The following LHX8 variants were observed in gnomAD, a reference collection of about 807,000 sequenced individuals.
The protein encoded by LHX8 is LIM/homeobox protein Lhx8.
A neutral mutation model predicts 40.3 loss-of-function variants in LHX8; 12 were observed. That is an observed-to-expected ratio of 0.30 (90% CI 0.19 to 0.48). LHX8 has a LOEUF of 0.48. Ranked by LOEUF, LHX8 falls within the 20% of genes least tolerant of loss-of-function variation. The probability of loss-of-function intolerance (pLI) is 0.99; values close to 1 mark genes in which losing one functional copy is unlikely to be tolerated. For missense variants in LHX8, 344 were observed against 433.7 expected (o/e 0.79, Z 1.84); for synonymous variants, 179 against 162.0 (o/e 1.10, Z -0.80).
the LHX8 span, among the ~76,000 whole-genome samples, chr1:75,191,374 C>G: frequency 5.3e-5 from 8 of 152,090 alleles, no homozygotes; most frequent in Non-Finnish European, 2.9e-5. Context: ...ACCCGCAGCC[C>G]CCACTCTCTC....
At chr1:75,191,513 G>A in the LHX8 span, among the ~76,000 whole-genome samples, 2 of 152,286 alleles carry the variant, frequency 1.3e-5, no homozygotes, top group East Asian at 1.9e-4. Context: ...TCCTCAGGAT[G>A]GAGGGAGGGA....
At chr1:75,140,131 T>C (rs1557487271) in intron 3 of LHX8, among the ~76,000 whole-genome samples, 1 of 152,222 alleles carries the variant, frequency 6.6e-6, no homozygotes, top group Admixed American at 6.5e-5. Flanking sequence ...GCTTGTAATA[T>C]AATGGCAACA....
intron 6 of LHX8, among the ~76,000 whole-genome samples, chr1:75,147,759 ATT>A (rs779347141): frequency 3.3e-5 from 5 of 152,156 alleles, no homozygotes; most frequent in Non-Finnish European, 5.9e-5. Context: ...ATCTCACTTA[ATT>A]CTCATAATGA....
intron 4 of LHX8, among the ~76,000 whole-genome samples, chr1:75,142,453 C>T (rs1338683223): frequency 6.6e-6 from 1 of 152,094 alleles, no homozygotes; most frequent in African/African-American, 2.4e-5. Context: ...GATTGACCTG[C>T]ATTTAATGTC....
intron 8 of LHX8, among the ~76,000 whole-genome samples, chr1:75,159,007 T>C (rs575571924): frequency 1.3e-5 from 2 of 152,316 alleles, no homozygotes; most frequent in East Asian, 3.9e-4. Context: ...TTAGATCATC[T>C]TTAAATCATC....
At chr1:75,147,246 AT>A (rs764289771) in intron 6 of LHX8, among the ~76,000 whole-genome samples, 77 of 152,166 alleles carry the variant, frequency 5.1e-4, no homozygotes, top group Non-Finnish European at 2.1e-4. Flanking sequence ...AGAAGGGTAA[AT>A]TTGTAAATCT....
At chr1:75,144,037 A>C in intron 6 of LHX8, 89 bp downstream of exon 6, 2 of 985,822 alleles carry the variant, frequency 2.0e-6, no homozygotes, top group Non-Finnish European at 3.2e-6. Context: ...AAACATTTTT[A>C]TGTTTTCTAA....
chr1:75,174,107 C>G, the LHX8 span, among the ~76,000 whole-genome samples: 1 of 152,122 alleles, frequency 6.6e-6, no homozygotes, highest in African/African-American at 2.4e-5. Flanking sequence ...CTTCCTTAGT[C>G]CAAGGAGTTG....
intron 5 of LHX8, 62 bp downstream of exon 5, chr1:75,143,400 CT>C: frequency 4.6e-6 from 6 of 1,293,062 alleles, no homozygotes; most frequent in South Asian, 1.3e-5. Flanking sequence ...ATAAAAATAA[CT>C]TTTCCTAAGG....
At chr1:75,174,964 TC>T in the LHX8 span, among the ~76,000 whole-genome samples, 2 of 152,172 alleles carry the variant, frequency 1.3e-5, no homozygotes, top group Non-Finnish European at 2.9e-5. Flanking sequence ...CCTCACCCCC[TC>T]CTACCCTTCC....
At chr1:75,168,584 A>G in the LHX8 span, among the ~76,000 whole-genome samples, 3 of 151,882 alleles carry the variant, frequency 2.0e-5, no homozygotes, top group Non-Finnish European at 4.4e-5. Context: ...TTTTTTTTTA[A>G]AGAGAGAGGA....
the LHX8 span, among the ~76,000 whole-genome samples, chr1:75,168,507 G>A: frequency 6.6e-6 from 1 of 152,146 alleles, no homozygotes; most frequent in African/African-American, 2.4e-5. Context: ...GATTACAGGC[G>A]TGAGCCACTG....
intron 8 of LHX8, among the ~76,000 whole-genome samples, chr1:75,158,463 A>C (rs1010738512): frequency 6.6e-6 from 1 of 152,172 alleles, no homozygotes; most frequent in Non-Finnish European, 1.5e-5. Context: ...GAAATTGTTT[A>C]TACTCAAAGA....
At chr1:75,146,164 AT>A in intron 6 of LHX8, among the ~76,000 whole-genome samples, 1 of 152,330 alleles carries the variant, frequency 6.6e-6, no homozygotes, top group East Asian at 1.9e-4. Context: ...GGAATGCTGA[AT>A]ATTTTCAACT....
chr1:75,188,177 G>T, the LHX8 span, among the ~76,000 whole-genome samples: 1 of 151,722 alleles, frequency 6.6e-6, no homozygotes, highest in Non-Finnish European at 1.5e-5. Context: ...TTGTTGTTTT[G>T]TTTTGCTTTT....
chr1:75,167,700 T>C, the LHX8 span, among the ~76,000 whole-genome samples: 2 of 152,328 alleles, frequency 1.3e-5, no homozygotes, highest in East Asian at 1.9e-4. Context: ...GACCCTAGAC[T>C]ATTCATGTTA....
the LHX8 span, among the ~76,000 whole-genome samples, chr1:75,198,366 A>T: frequency 6.6e-6 from 1 of 152,200 alleles, no homozygotes. Flanking sequence ...AGGTGCTGAA[A>T]GTCCTCAGTC....
chr1:75,149,965 G>A (rs1040147819), intron 7 of LHX8, among the ~76,000 whole-genome samples: 1 of 152,224 alleles, frequency 6.6e-6, no homozygotes, highest in African/African-American at 2.4e-5. Context: ...GACTCTGCCA[G>A]GCTCAGTTGC....
chr1:75,188,550 C>T, the LHX8 span, among the ~76,000 whole-genome samples: 1 of 152,140 alleles, frequency 6.6e-6, no homozygotes, highest in African/African-American at 2.4e-5. Flanking sequence ...CTCTCTTGGG[C>T]TCCCTCCCTT....
Sources: allele counts gnomAD v4.1 joint callset (sites outside exome capture counted in the v4.1 genomes callset), GRCh38; gene constraint gnomAD v4.1.1; transcripts MANE v1.5; gene names NCBI Gene and HGNC (gene_info 2026-07-23, HGNC 2026-07-21).